The following LRRC4C variants were observed in gnomAD, a reference collection of about 807,000 sequenced individuals.
The protein encoded by LRRC4C is leucine rich repeat containing 4C, also known as leucine-rich repeat-containing protein 4C.
LRRC4C carries 5 observed loss-of-function variants against 33.6 expected under a neutral mutation model. The observed-to-expected ratio is 0.15, with a 90% CI of 0.08 to 0.31. LRRC4C has a LOEUF of 0.31. LRRC4C is among the 10% of genes least tolerant of loss of function. The pLI is 1.00. For synonymous variants in LRRC4C, 329 were observed against 302.0 expected, an observed-to-expected ratio of 1.09 and a Z score of -0.93; for missense variants, 560 against 796.7, an observed-to-expected ratio of 0.70 and a Z score of 3.58.
intron 1 of LRRC4C, among the ~76,000 whole-genome samples, chr11:41,375,992 A>G (rs1185966047): frequency 6.6e-6 from 1 of 152,028 alleles, no homozygotes; most frequent in Non-Finnish European, 1.5e-5. Context: ...GAAAGATTGG[A>G]GAATTCACAT....
intron 1 of LRRC4C, among the ~76,000 whole-genome samples, chr11:41,183,832 C>G (rs1374367549): frequency 6.6e-6 from 1 of 152,208 alleles, no homozygotes; most frequent in Non-Finnish European, 1.5e-5. Context: ...CTGCAGCAAA[C>G]TTTTGCCTGG....
intron 5 of LRRC4C, among the ~76,000 whole-genome samples, chr11:40,162,092 A>G (rs1859203290): frequency 6.6e-6 from 1 of 152,026 alleles, no homozygotes; most frequent in Non-Finnish European, 1.5e-5. Flanking sequence ...GGTTGTATTC[A>G]TAGTTCCAAC....
intron 3 of LRRC4C, among the ~76,000 whole-genome samples, chr11:40,584,231 C>T (rs1958608216): frequency 8.8e-6 from 1 of 113,262 alleles, no homozygotes; most frequent in Non-Finnish European, 1.8e-5. Context: ...GGGGGACAGT[C>T]TTGTGCACTG....
At chr11:41,160,318 A>G (rs1037162034) in intron 1 of LRRC4C, among the ~76,000 whole-genome samples, 2 of 151,912 alleles carry the variant, frequency 1.3e-5, no homozygotes, top group Non-Finnish European at 1.5e-5. Flanking sequence ...GTATTGCACC[A>G]TGATCATACC....
chr11:40,656,875 T>C (rs12278119), intron 2 of LRRC4C, among the ~76,000 whole-genome samples: 8,505 of 152,266 alleles, frequency 0.056, 796 homozygotes, highest in African/African-American at 0.19. Context: ...GGTTGGTAAA[T>C]TGAGCATTGT....
At chr11:40,468,056 A>G (rs1008860182) in intron 3 of LRRC4C, among the ~76,000 whole-genome samples, 3 of 152,158 alleles carry the variant, frequency 2.0e-5, no homozygotes, top group Non-Finnish European at 4.4e-5. Flanking sequence ...CTTGGGTTTA[A>G]TAGGCAATGC....
At chr11:40,274,676 G>A (rs993008076) in intron 4 of LRRC4C, among the ~76,000 whole-genome samples, 4 of 152,058 alleles carry the variant, frequency 2.6e-5, no homozygotes, top group African/African-American at 7.2e-5. Context: ...AAATAGTTCT[G>A]TGAAATAGCT....
At chr11:40,832,244 A>T (rs988293616) in intron 2 of LRRC4C, among the ~76,000 whole-genome samples, 1 of 152,124 alleles carries the variant, frequency 6.6e-6, no homozygotes, top group Non-Finnish European at 1.5e-5. Flanking sequence ...ATACAGTAAA[A>T]ATACCCTAAT....
chr11:40,138,623 A>G (rs766528821), intron 6 of LRRC4C, among the ~76,000 whole-genome samples: 2 of 152,206 alleles, frequency 1.3e-5, no homozygotes, highest in Non-Finnish European at 2.9e-5. Flanking sequence ...CTCCGGATTC[A>G]TTTTCCTTCC....
In LRRC4C at chr11:41,405,012, A is replaced by G. The variant is rs554395074; in HGVS notation, c.-496+54419T>C. 1.9e-4 allele frequency among the ~76,000 whole-genome samples: 29 copies of G among 152,246 alleles called. 2 individuals are homozygous for G. The South Asian group carries it at 5.4e-3, about 28-fold the overall frequency. On this transcript the variant is annotated intron_variant, in intron 1 of 6. Coordinates refer to ENST00000528697, the MANE Select transcript of LRRC4C (RefSeq NM_001258419.2). Reference sequence around the variant, plus strand: ...GCGATATTTAAATCTTCAGTGTCTTAATATCTCTATCAATAATGTGGGTCC... The same window carrying G: ...GCGATATTTAAATCTTCAGTGTCTTGATATCTCTATCAATAATGTGGGTCC...
intron 1 of LRRC4C, among the ~76,000 whole-genome samples, chr11:40,980,502 G>A (rs1852441928): frequency 6.6e-6 from 1 of 151,978 alleles, no homozygotes. Context: ...ACTATACACC[G>A]TCCGTCCATT....
chr11:40,637,812 C>A (rs1001386454), intron 3 of LRRC4C, among the ~76,000 whole-genome samples: 2 of 152,164 alleles, frequency 1.3e-5, no homozygotes, highest in African/African-American at 4.8e-5. Flanking sequence ...ACTCTCATCT[C>A]CCTTCAGTCT....
chr11:41,146,078 T>A (rs1943717130), intron 1 of LRRC4C, among the ~76,000 whole-genome samples: 2 of 152,230 alleles, frequency 1.3e-5, no homozygotes, highest in South Asian at 4.1e-4. Flanking sequence ...GATATGAGTC[T>A]GTTCTTCTCA....
intron 1 of LRRC4C, among the ~76,000 whole-genome samples, chr11:41,314,109 T>G (rs1240472073): frequency 6.6e-5 from 10 of 151,990 alleles, no homozygotes; most frequent in African/African-American, 2.4e-4. Flanking sequence ...AATGAAGAAA[T>G]ACACACTTAA....
chr11:40,228,459 T>A (rs75272903), intron 5 of LRRC4C, among the ~76,000 whole-genome samples: 1 of 151,306 alleles, frequency 6.6e-6, no homozygotes, highest in African/African-American at 2.4e-5. Context: ...AAAAAAAAAA[T>A]CTCTCCTAAG....
At chr11:41,219,269 G>C (rs923768579) in intron 1 of LRRC4C, among the ~76,000 whole-genome samples, 11 of 152,172 alleles carry the variant, frequency 7.2e-5, no homozygotes, top group African/African-American at 2.4e-4. Context: ...GATGAGAAAA[G>C]AGAGTTGCTA....
intron 3 of LRRC4C, among the ~76,000 whole-genome samples, chr11:40,497,376 C>T (rs1333497653): frequency 1.3e-5 from 2 of 151,524 alleles, no homozygotes; most frequent in African/African-American, 4.9e-5. Context: ...TACACTCCAG[C>T]CTGGGCAACA....
At chr11:41,292,120 A>AGCTT (rs1249041076) in intron 1 of LRRC4C, among the ~76,000 whole-genome samples, 1 of 152,150 alleles carries the variant, frequency 6.6e-6, no homozygotes, top group Admixed American at 6.5e-5. Context: ...TTGATGATGT[A>AGCTT]GCTTGTCTCG....
chr11:41,286,847 G>T (rs1949845469), intron 1 of LRRC4C, among the ~76,000 whole-genome samples: 1 of 151,900 alleles, frequency 6.6e-6, no homozygotes, highest in African/African-American at 2.4e-5. Flanking sequence ...AAAAGGAGAA[G>T]ACTCAGTAAA....
Sources: allele counts gnomAD v4.1 joint callset (sites outside exome capture counted in the v4.1 genomes callset), GRCh38; gene constraint gnomAD v4.1.1; transcripts MANE v1.5; gene names NCBI Gene and HGNC (gene_info 2026-07-23, HGNC 2026-07-21).